Variants in KLRD1 observed in about 807,000 individuals in gnomAD.
The protein encoded by KLRD1 is killer cell lectin like receptor D1.
Under a neutral mutation model 22.6 loss-of-function variants are expected in KLRD1, and 21 were observed. The ratio of observed to expected loss-of-function variants is 0.93; its 90% CI spans 0.66 to 1.34. The LOEUF (loss-of-function observed/expected upper bound fraction) is 1.34, where lower values mean the gene tolerates loss of function less well. KLRD1 is among the 40% of genes most tolerant of loss of function. The pLI is 0.00. For missense variants in KLRD1, 183 were observed against 208.6 expected, an observed-to-expected ratio of 0.88 and a Z score of 0.76; for synonymous variants, 59 against 71.1, an observed-to-expected ratio of 0.83 and a Z score of 0.85.
Position 10,286,662 on chromosome 12 carries a change from C to CTTTT in KLRD1, c.-100-21292_-100-21289dup, listed in dbSNP as rs747241701. ...TCATCATTTTATTTCGCTTATGGTG[C>CTTTT]TTTTTTTTTTTTTTTTTTTTTTTTT... On this transcript the variant is annotated intron_variant, in intron 1 of 5. Coordinates refer to the KLRD1 transcript ENST00000544747. Among the ~76,000 whole-genome samples the CTTTT allele has an allele frequency of 8.8e-3, 480 of 54,800 alleles. 137 individuals are homozygous for CTTTT. The highest frequency in any genetic ancestry group is 0.032 in the African/African-American group (412 of 12,938). 36.0% of individuals were successfully genotyped at this position (54,800 alleles called of 152,430 possible).
Position 10,320,474 on chromosome 12 carries a change from C to G in KLRD1, c.*5681C>G, listed in dbSNP as rs1301832087. On this transcript the variant is annotated 3_prime_UTR_variant, in exon 6 of 6. Coordinates refer to ENST00000336164, the MANE Select transcript of KLRD1 (RefSeq NM_002262.5). Reference sequence around the variant, plus strand: ...AGCATTGTGGAAAGTAGAAAATGTACTTAATGATTTAAGAGAATGCTCTAA... The same window carrying G: ...AGCATTGTGGAAAGTAGAAAATGTAGTTAATGATTTAAGAGAATGCTCTAA... The G allele has an allele frequency of 6.6e-6, 1 of 152,158 alleles. No homozygotes were observed. Among genetic ancestry groups the G allele is most frequent in the African/African-American group, 2.4e-5 (1 of 41,428 alleles). The allele number at this position is 152,158 out of a possible 1,614,324, so 9.4% of individuals were successfully genotyped here. A position where few individuals can be genotyped will look rare whatever the true frequency, so the allele number is the denominator to read the frequency against.
At chr12:10,311,681 A>G (rs1446628517) in intron 4 of KLRD1, 66 bp downstream of exon 4, 5 of 1,513,576 alleles carry the variant, frequency 3.3e-6, no homozygotes, top group East Asian at 4.6e-5. Flanking sequence ...TAAACAAGTT[A>G]AATACTTTGG....
At chr12:10,262,241 G>A (rs574449011) in intron 1 of KLRD1, among the ~76,000 whole-genome samples, 1 of 151,948 alleles carries the variant, frequency 6.6e-6, no homozygotes, top group African/African-American at 2.4e-5. Flanking sequence ...GTCTTGATGG[G>A]ACTGGAGCTC....
intron 5 of KLRD1, among the ~76,000 whole-genome samples, chr12:10,313,846 G>A (rs970846217): frequency 5.9e-5 from 9 of 152,078 alleles, no homozygotes; most frequent in African/African-American, 2.2e-4. Context: ...TAGTCACATG[G>A]ACAACAAAAC....
rs1950069994 is a variant in KLRD1 at position 10,311,548 on chromosome 12, A to T, written c.248A>T (p.Asn83Ile). ...YFISSEQKTW[N>I]ESRHLCASQK... ...ATTTCCAGTGAACAGAAAACTTGGA[A>T]CGAAAGTCGGCATCTCTGTGCTTCT... The change falls in exon 4 of 6, where the codon AAC becomes ATC. Residue 83 changes from asparagine to isoleucine, a missense_variant. Transcript: ENST00000336164. 5 of 1,614,148 alleles carry T rather than the reference A, an allele frequency of 3.1e-6. No homozygotes were observed. Among genetic ancestry groups the T allele is most frequent in the Non-Finnish European group, 4.2e-6 (5 of 1,179,980 alleles).
At chr12:10,261,280 C>A (rs1949451764) in intron 1 of KLRD1, among the ~76,000 whole-genome samples, 1 of 152,146 alleles carries the variant, frequency 6.6e-6, no homozygotes, top group Admixed American at 6.5e-5. Context: ...AATTTACCAT[C>A]ATTGATCTGA....
intron 1 of KLRD1, among the ~76,000 whole-genome samples, chr12:10,255,092 A>G (rs1949382786): frequency 1.5e-5 from 2 of 132,340 alleles, no homozygotes; most frequent in Non-Finnish European, 3.3e-5. Context: ...GTCAAAAAAT[A>G]ATAGATGCTG....
intron 1 of KLRD1, among the ~76,000 whole-genome samples, chr12:10,239,530 T>TCC (rs71049072): frequency 6.3e-5 from 2 of 31,804 alleles, no homozygotes; most frequent in South Asian, 1.5e-3. Flanking sequence ...TTTCTTTCTT[T>TCC]CTTTCTTTCT....
At position 10,313,516 on chromosome 12, in the gene KLRD1, A is replaced by C. The variant is rs1950148564; in HGVS notation, c.419+3A>C. The C allele has an allele frequency of 2.0e-6, 3 of 1,533,270 alleles. No individual in the cohort carries two copies. Among genetic ancestry groups the C allele is most frequent in the Non-Finnish European group, 1.8e-6 (2 of 1,128,982 alleles). 95.0% of individuals were successfully genotyped at this position (1,533,270 alleles called of 1,614,324 possible). A position where few individuals can be genotyped will look rare whatever the true frequency, so the allele number is the denominator to read the frequency against. ...GGCTCTGCACTCTCCCAGTATCTGT[A>C]AGTTTCTGGCAATCATGGCGTTTTT... On this transcript the variant is annotated splice_donor_region_variant and intron_variant, in intron 5 of 5. Transcript: ENST00000336164.
At chr12:10,256,606 C>T (rs570039719) in intron 1 of KLRD1, among the ~76,000 whole-genome samples, 8 of 151,874 alleles carry the variant, frequency 5.3e-5, no homozygotes, top group African/African-American at 1.9e-4. Flanking sequence ...CACAGCTCCA[C>T]CCCTCTGCTT....
At chr12:10,280,211 A>C (rs1949627204) in intron 1 of KLRD1, among the ~76,000 whole-genome samples, 1 of 152,180 alleles carries the variant, frequency 6.6e-6, no homozygotes, top group South Asian at 2.1e-4. Flanking sequence ...CTTTTTGCAC[A>C]CCTTGAGTGT....
rs1950350195 is a variant in KLRD1, at chr12:10,325,228, A to G, written c.*10435A>G. 1.3e-5 allele frequency: 2 copies of G among 152,084 alleles called. No individual in the cohort carries two copies. The highest frequency in any genetic ancestry group is 1.9e-4 in the East Asian group (1 of 5,182). The allele number at this position is 152,084 out of a possible 1,614,324, so 9.4% of individuals were successfully genotyped here. ...TTTTTATAAGGAGTACATATGACATATGCTTTTATTAAATGTTTTATTCTG... is the reference window on the plus strand; with the variant it reads ...TTTTTATAAGGAGTACATATGACATGTGCTTTTATTAAATGTTTTATTCTG... On this transcript the variant is annotated 3_prime_UTR_variant, in exon 6 of 6. Coordinates refer to ENST00000336164, the MANE Select transcript of KLRD1 (RefSeq NM_002262.5).
At chr12:10,311,046 AT>A (rs1950055577) in intron 3 of KLRD1, among the ~76,000 whole-genome samples, 1 of 152,148 alleles carries the variant, frequency 6.6e-6, no homozygotes, top group South Asian at 2.1e-4. Context: ...GTATGCTAAA[AT>A]GTTTTCCTCC....
upstream of KLRD1, among the ~76,000 whole-genome samples, chr12:10,302,381 G>A (rs1167894468): frequency 6.6e-6 from 1 of 152,200 alleles, no homozygotes; most frequent in Non-Finnish European, 1.5e-5. Flanking sequence ...GGGAAGTGCT[G>A]ATGTCAGTGG....
In KLRD1 at chr12:10,328,347, A is replaced by AC. The variant is rs1216114231; in HGVS notation, c.*13555dup. On this transcript the variant is annotated 3_prime_UTR_variant, in exon 6 of 6. Transcript: ENST00000336164. ...TTCAATCTTCATTCTAGTTATAGATACGCTCATATTTTCTATTTCTTCATA... is the reference window on the plus strand; with the variant it reads ...TTCAATCTTCATTCTAGTTATAGATACCGCTCATATTTTCTATTTCTTCATA... The AC allele has an allele frequency of 1.3e-5, 2 of 152,216 alleles. No homozygotes were observed. Among genetic ancestry groups the AC allele is most frequent in the African/African-American group, 4.8e-5 (2 of 41,554 alleles). 9.4% of individuals were successfully genotyped at this position (152,216 alleles called of 1,614,324 possible).
At chr12:10,291,470 A>C (rs1179417844) in intron 1 of KLRD1, among the ~76,000 whole-genome samples, 1 of 152,004 alleles carries the variant, frequency 6.6e-6, no homozygotes, top group Admixed American at 6.6e-5. Flanking sequence ...TAATATTCTA[A>C]ATTCTTTGTT....
intron 1 of KLRD1, among the ~76,000 whole-genome samples, chr12:10,248,383 T>C (rs1015201588): frequency 2.0e-5 from 3 of 152,190 alleles, no homozygotes; most frequent in African/African-American, 7.2e-5. Flanking sequence ...TTGTTCTTTA[T>C]GGCACAGAAA....
rs1278632860 is a variant in KLRD1, at chr12:10,320,968, TTTGAGATGAC to T, written c.*6177_*6186del. The T allele has an allele frequency of 5.3e-5, 8 of 152,266 alleles. No individual in the cohort carries two copies. In the East Asian group the frequency reaches 1.4e-3, roughly 26 times the overall value. 9.4% of individuals were successfully genotyped at this position (152,266 alleles called of 1,614,324 possible). On this transcript the variant is annotated 3_prime_UTR_variant, in exon 6 of 6. Coordinates refer to ENST00000336164, the MANE Select transcript of KLRD1 (RefSeq NM_002262.5). ...AGTTCATAGAAAACCTCAAAACACT[TTTGAGATGAC>T]TATGTCAGTAGAAAATTGACAATGA...
At chr12:10,252,558 GTTC>G (rs1275697146) in intron 1 of KLRD1, among the ~76,000 whole-genome samples, 4 of 152,078 alleles carry the variant, frequency 2.6e-5, no homozygotes, top group African/African-American at 9.7e-5. Context: ...TAAGAAGTTA[GTTC>G]TTCTTCCCTC....
Sources: allele counts gnomAD v4.1 joint callset (sites outside exome capture counted in the v4.1 genomes callset), GRCh38; gene constraint gnomAD v4.1.1; transcripts MANE v1.5; gene names NCBI Gene and HGNC (gene_info 2026-07-23, HGNC 2026-07-21).